The following LAMA2 variants were observed in gnomAD, a reference collection of about 807,000 sequenced individuals.
LAMA2 encodes the protein laminin subunit alpha 2.
LAMA2 carries 269 observed loss-of-function variants against 364.8 expected under a neutral mutation model. The ratio of observed to expected loss-of-function variants is 0.74; its 90% CI spans 0.67 to 0.82. LAMA2 has a LOEUF of 0.82. LAMA2 is among the 40% of genes least tolerant of loss of function. The probability of loss-of-function intolerance (pLI) is 0.00; values close to 1 mark genes in which losing one functional copy is unlikely to be tolerated. For missense variants in LAMA2, 3,807 were observed against 3,873.2 expected, an observed-to-expected ratio of 0.98 and a Z score of 0.45; for synonymous variants, 1,379 against 1,370.6, an observed-to-expected ratio of 1.01 and a Z score of -0.14.
chr6:129,300,982 A>G, intron 22 of LAMA2, 110 bp downstream of exon 22: 1 of 909,070 alleles, frequency 1.1e-6, no homozygotes. Flanking sequence ...AATAATGTAG[A>G]AGTATTACTA....
chr6:129,161,350 T>G (rs1371036168), intron 8 of LAMA2, among the ~76,000 whole-genome samples: 2 of 152,140 alleles, frequency 1.3e-5, no homozygotes, highest in African/African-American at 4.8e-5. Context: ...GTGTGTTTAG[T>G]CCCTAAATTT....
At chr6:129,272,825 G>A (rs1314692753) in intron 17 of LAMA2, among the ~76,000 whole-genome samples, 1 of 152,106 alleles carries the variant, frequency 6.6e-6, no homozygotes, top group East Asian at 1.9e-4. Context: ...CTGCACCTGC[G>A]AGGGATCTAG....
chr6:129,275,024 C>T (rs1788206045), intron 17 of LAMA2, among the ~76,000 whole-genome samples: 2 of 151,914 alleles, frequency 1.3e-5, no homozygotes, highest in Non-Finnish European at 2.9e-5. Flanking sequence ...ACTAATATCA[C>T]TGTAAATACT....
chr6:129,293,738 TAG>T (rs1789884746), intron 20 of LAMA2, among the ~76,000 whole-genome samples: 1 of 151,896 alleles, frequency 6.6e-6, no homozygotes, highest in African/African-American at 2.4e-5. Context: ...CTTACCAGTA[TAG>T]AGTCAGGACC....
At chr6:128,985,332 T>C (rs1025625604) in intron 1 of LAMA2, among the ~76,000 whole-genome samples, 3 of 152,164 alleles carry the variant, frequency 2.0e-5, no homozygotes, top group African/African-American at 7.2e-5. Context: ...TCAGTGCTTA[T>C]GGCAAAATTC....
chr6:129,153,884 T>C (rs1232762099), intron 7 of LAMA2, among the ~76,000 whole-genome samples: 2 of 152,192 alleles, frequency 1.3e-5, no homozygotes, highest in Non-Finnish European at 2.9e-5. Context: ...AATCATTCAG[T>C]GCCATCATTG....
At chr6:129,106,513 A>C (rs2114890364) in intron 4 of LAMA2, among the ~76,000 whole-genome samples, 1 of 152,276 alleles carries the variant, frequency 6.6e-6, no homozygotes, top group East Asian at 1.9e-4. Context: ...TTTTCAATAG[A>C]AATTTAGGTA....
At chr6:129,361,299 A>G (rs1777444061) in intron 32 of LAMA2, among the ~76,000 whole-genome samples, 1 of 152,240 alleles carries the variant, frequency 6.6e-6, no homozygotes. Flanking sequence ...TATAATTGTT[A>G]CTACTGCTGT....
At chr6:128,985,781 G>A (rs74949054) in intron 1 of LAMA2, among the ~76,000 whole-genome samples, 3,754 of 151,822 alleles carry the variant, frequency 0.025, 166 homozygotes, top group African/African-American at 0.085. Flanking sequence ...AAATATTTAA[G>A]TATGCATATC....
chr6:128,902,358 G>A (rs1286814518), intron 1 of LAMA2, among the ~76,000 whole-genome samples: 1 of 152,102 alleles, frequency 6.6e-6, no homozygotes, highest in African/African-American at 2.4e-5. Flanking sequence ...AGTTCTTAGA[G>A]AATTCAATCA....
chr6:129,206,255 T>G (rs915340239), intron 12 of LAMA2, among the ~76,000 whole-genome samples: 1 of 152,174 alleles, frequency 6.6e-6, no homozygotes, highest in African/African-American at 2.4e-5. Context: ...GAATATGTCC[T>G]TGTAATTATA....
intron 1 of LAMA2, among the ~76,000 whole-genome samples, chr6:128,907,940 C>T (rs1222805863): frequency 1.3e-5 from 2 of 152,046 alleles, no homozygotes; most frequent in African/African-American, 4.8e-5. Flanking sequence ...ATTACATTTA[C>T]TGATTTGCGT....
At chr6:128,981,550 C>G (rs1470350849) in intron 1 of LAMA2, among the ~76,000 whole-genome samples, 2 of 146,644 alleles carry the variant, frequency 1.4e-5, no homozygotes, top group Non-Finnish European at 3.0e-5. Context: ...CGAGACCAGC[C>G]TGGGCAATAT....
intron 10 of LAMA2, among the ~76,000 whole-genome samples, chr6:129,179,113 G>A (rs1562305469): frequency 6.6e-6 from 1 of 151,770 alleles, no homozygotes; most frequent in Non-Finnish European, 1.5e-5. Context: ...GTGTAGCAGT[G>A]TGTGAGTGAT....
In LAMA2 at chr6:129,349,356, C is replaced by T. The variant is rs564113854; in HGVS notation, c.4495C>T (p.Arg1499Trp). The change falls in exon 31 of 65, where the codon CGG (arginine) becomes TGG (tryptophan). Residue 1499 changes from arginine (R) to tryptophan (W), a missense_variant. Physicochemically the swap from Arg to Trp is moderately radical, Grantham distance 101. Transcript: ENST00000421865. ...CGACTACCGCTGCACGGCTTGTCCA[C>T]GGGGATATGAAGGCCAGTACTGTGA... Reference protein sequence around the residue: ...LDDYRCTACPRGYEGQYCERC... With the variant: ...LDDYRCTACPWGYEGQYCERC... The T allele has an allele frequency of 6.0e-5, 96 of 1,613,242 alleles. 1 individual carries two copies. The South Asian group carries it at 9.4e-4, about 16-fold the overall frequency.
At chr6:128,990,562 G>A (rs1021089680) in intron 1 of LAMA2, among the ~76,000 whole-genome samples, 2 of 152,190 alleles carry the variant, frequency 1.3e-5, no homozygotes, top group Non-Finnish European at 2.9e-5. Context: ...AGAGTTTTGT[G>A]TCTGGGAAGA....
chr6:129,038,835 G>A (rs976385174), intron 1 of LAMA2, among the ~76,000 whole-genome samples: 3 of 152,162 alleles, frequency 2.0e-5, no homozygotes, highest in Non-Finnish European at 4.4e-5. Flanking sequence ...AGAAATGGAG[G>A]ATGAATGTTG....
At chr6:129,089,556 C>T (rs552840620) in intron 3 of LAMA2, among the ~76,000 whole-genome samples, 1 of 152,356 alleles carries the variant, frequency 6.6e-6, no homozygotes, top group African/African-American at 2.4e-5. Flanking sequence ...ACTCAGCCTA[C>T]CTGCTCTTTT....
At chr6:129,289,920 A>G (rs1307872204) in intron 19 of LAMA2, among the ~76,000 whole-genome samples, 2 of 152,170 alleles carry the variant, frequency 1.3e-5, no homozygotes, top group Non-Finnish European at 2.9e-5. Context: ...TTTCATGGAT[A>G]CAATATCACT....
Sources: gnomAD v4.1 joint callset for allele counts (sites outside exome capture counted in the v4.1 genomes callset) on GRCh38, gnomAD v4.1.1 for gene constraint, MANE v1.5 for transcripts, NCBI Gene and HGNC (gene_info 2026-07-23, HGNC 2026-07-21) for gene names.